The following UBN2 variants were observed in gnomAD, a reference collection of about 807,000 sequenced individuals.
The protein encoded by UBN2 is ubinuclein-2.
A neutral mutation model predicts 120.2 loss-of-function variants in UBN2; 35 were observed. The observed-to-expected ratio is 0.29, with a 90% CI of 0.22 to 0.39. The LOEUF (loss-of-function observed/expected upper bound fraction) is 0.39, where lower values mean the gene tolerates loss of function less well. Ranked by LOEUF, UBN2 falls within the 10% of genes least tolerant of loss-of-function variation. The pLI, the probability that UBN2 is intolerant of heterozygous loss-of-function variation, is 1.00. For synonymous variants in UBN2, 661 were observed against 648.7 expected, an observed-to-expected ratio of 1.02 and a Z score of -0.29; for missense variants, 1,693 against 1,663.2, an observed-to-expected ratio of 1.02 and a Z score of -0.31.
At chr7:139,293,698 G>C in intron 16 of UBN2, 191 bp from the exon 17 acceptor site, 2 of 642,536 alleles carry the variant, frequency 3.1e-6, no homozygotes, top group Middle Eastern at 3.7e-4. Context: ...TTTTTAAGAG[G>C]AAGTCAGTTG....
intron 15 of UBN2, among the ~76,000 whole-genome samples, chr7:139,285,050 A>G (rs1399027048): frequency 1.3e-5 from 2 of 151,982 alleles, no homozygotes; most frequent in Non-Finnish European, 2.9e-5. Context: ...TTTTTAAATC[A>G]TTTATCTTCT....
intron 3 of UBN2, among the ~76,000 whole-genome samples, chr7:139,254,149 C>T (rs1796695281): frequency 2.0e-5 from 3 of 152,096 alleles, no homozygotes; most frequent in East Asian, 1.9e-4. Flanking sequence ...AAAAATTAGC[C>T]GGGCGTGGTG....
At chr7:139,321,424 G>T in the UBN2 span, among the ~76,000 whole-genome samples, 5 of 152,220 alleles carry the variant, frequency 3.3e-5, no homozygotes, top group Non-Finnish European at 5.9e-5. Flanking sequence ...TGAGGGACAC[G>T]TGGACTGGGA....
chr7:139,306,868 G>A lies in UBN2; in HGVS notation c.*9032G>A, dbSNP rs1798367240. The A allele has an allele frequency of 6.6e-6, 1 of 152,164 alleles. No homozygotes were observed. Among genetic ancestry groups the A allele is most frequent in the Non-Finnish European group, 1.5e-5 (1 of 68,030 alleles). The allele number at this position is 152,164 out of a possible 1,614,324, so 9.4% of individuals were successfully genotyped here. A position where few individuals can be genotyped will look rare whatever the true frequency, so the allele number is the denominator to read the frequency against. On this transcript the variant is annotated 3_prime_UTR_variant, in exon 18 of 18. Coordinates refer to ENST00000473989, the MANE Select transcript of UBN2 (RefSeq NM_173569.4). ...AGTCTACCAAGGTAACTAAGTAATGGATGTTTTCTCTCTTTTATTACAAGC... is the reference window on the plus strand; with the variant it reads ...AGTCTACCAAGGTAACTAAGTAATGAATGTTTTCTCTCTTTTATTACAAGC...
chr7:139,259,505 T>TA (rs1326070317), intron 5 of UBN2, 135 bp downstream of exon 5: 42 of 1,191,472 alleles, frequency 3.5e-5, no homozygotes, highest in Non-Finnish European at 5.7e-6. Flanking sequence ...ATTAGTGACT[T>TA]ATGTTTAATA....
the UBN2 span, among the ~76,000 whole-genome samples, chr7:139,319,122 C>T: frequency 1.1e-4 from 17 of 152,180 alleles, no homozygotes; most frequent in African/African-American, 4.1e-4. Context: ...TGCTCTGTTG[C>T]CCAGGCTGCA....
At chr7:139,317,874 G>C in the UBN2 span, among the ~76,000 whole-genome samples, 6 of 152,252 alleles carry the variant, frequency 3.9e-5, no homozygotes, top group East Asian at 9.7e-4. Flanking sequence ...TGTTGGCCAG[G>C]CTAGTCTCAA....
rs1435263745 is a variant in UBN2 at position 139,306,812 on chromosome 7, A to G, written c.*8976A>G. 1 of 152,198 alleles carries G rather than the reference A, an allele frequency of 6.6e-6. No homozygotes were observed. Among genetic ancestry groups the G allele is most frequent in the Non-Finnish European group, 1.5e-5 (1 of 68,030 alleles). The allele number at this position is 152,198 out of a possible 1,614,324, so 9.4% of individuals were successfully genotyped here. A position where few individuals can be genotyped will look rare whatever the true frequency, so the allele number is the denominator to read the frequency against. On this transcript the variant is annotated 3_prime_UTR_variant, in exon 18 of 18. Coordinates refer to ENST00000473989, the MANE Select transcript of UBN2 (RefSeq NM_173569.4). ...AGAAAATAGATCTCCAGCTGGTGAA[A>G]ATTTTGTGCCCCAAATAATATATTA...
chr7:139,235,650 AC>A (rs1796145722), intron 1 of UBN2, among the ~76,000 whole-genome samples: 1 of 151,988 alleles, frequency 6.6e-6, no homozygotes, highest in Non-Finnish European at 1.5e-5. Context: ...CAGGTGATCC[AC>A]CCACCTTGGC....
In UBN2 at chr7:139,276,263, A is replaced by G. The variant is rs550951250; in HGVS notation, c.2024+116A>G. 6.1e-5 allele frequency: 61 copies of G among 1,005,170 alleles called. No homozygotes were observed. The African/African-American group carries it at 8.2e-4, about 13-fold the overall frequency. 62.3% of individuals were successfully genotyped at this position (1,005,170 alleles called of 1,614,324 possible). A position where few individuals can be genotyped will look rare whatever the true frequency, so the allele number is the denominator to read the frequency against. ...AGGACTTAAAAAGATCATTTTGACC[A>G]TTGACTATTTAGACTTCAGAACACA... On this transcript the variant is annotated intron_variant, in intron 12 of 17. Coordinates refer to ENST00000473989, the MANE Select transcript of UBN2 (RefSeq NM_173569.4).
chr7:139,319,880 T>G, the UBN2 span, among the ~76,000 whole-genome samples: 7 of 152,058 alleles, frequency 4.6e-5, no homozygotes, highest in Admixed American at 2.0e-4. Context: ...ATGGCGACCA[T>G]CCTGGCTAAC....
intron 6 of UBN2, among the ~76,000 whole-genome samples, chr7:139,262,091 T>A (rs1034129447): frequency 1.3e-5 from 2 of 151,150 alleles, no homozygotes; most frequent in African/African-American, 2.4e-5. Flanking sequence ...TGTTTTATTT[T>A]ATTTATTTAT....
At chr7:139,297,074 A>G (rs1490961747) in intron 17 of UBN2, among the ~76,000 whole-genome samples, 1 of 151,902 alleles carries the variant, frequency 6.6e-6, no homozygotes, top group African/African-American at 2.4e-5. Flanking sequence ...TGCGCCTGTA[A>G]TCCCAGCTAC....
rs1306105295 is a variant in UBN2, at chr7:139,306,766, AAC to A, written c.*8933_*8934del. On this transcript the variant is annotated 3_prime_UTR_variant, in exon 18 of 18. Transcript: ENST00000473989. ...GCTTGCCCTTGGATTTCACTTGTTA[AAC>A]ACCCTCAAACTTAAAAGAAGAAAAT... 6.6e-6 allele frequency: 1 copy of A among 152,190 alleles called. No individual in the cohort carries two copies. The highest frequency in any genetic ancestry group is 1.5e-5 in the Non-Finnish European group (1 of 68,028). The allele number at this position is 152,190 out of a possible 1,614,324, so 9.4% of individuals were successfully genotyped here. A position where few individuals can be genotyped will look rare whatever the true frequency, so the allele number is the denominator to read the frequency against.
intron 6 of UBN2, among the ~76,000 whole-genome samples, chr7:139,264,376 G>A (rs775722287): frequency 7.2e-5 from 11 of 152,090 alleles, no homozygotes; most frequent in Non-Finnish European, 8.8e-5. Flanking sequence ...ATTCTGGTCA[G>A]CGATCCTCAT....
intron 7 of UBN2, among the ~76,000 whole-genome samples, chr7:139,267,556 A>G (rs1414295847): frequency 2.0e-5 from 3 of 151,804 alleles, no homozygotes; most frequent in East Asian, 3.9e-4. Flanking sequence ...AAAAGAGAGA[A>G]AGAGAGAAGG....
intron 11 of UBN2, 60 bp downstream of exon 11, chr7:139,274,134 T>G: frequency 6.8e-7 from 1 of 1,479,170 alleles, no homozygotes; most frequent in Non-Finnish European, 9.0e-7. Flanking sequence ...TTATTAAAGA[T>G]ATACATACAC....
In UBN2 at chr7:139,269,394, C is replaced by T. The variant is rs1797194972; in HGVS notation, c.1467C>T (p.Asp489=). 1.2e-6 allele frequency: 2 copies of T among 1,612,674 alleles called. No individual in the cohort carries two copies. ...FTQDMNNILL[D]IELQLQELGP... ...CATTGTTGTTAACTTTTTTGGCCAGCATTGAGTTACAGCTACAAGAACTAG... is the reference window on the plus strand; with the variant it reads ...CATTGTTGTTAACTTTTTTGGCCAGTATTGAGTTACAGCTACAAGAACTAG... The change falls in exon 8 of 18, where the codon GAC becomes GAT. Residue 489 remains aspartate (D), a splice_region_variant and synonymous_variant. Coordinates refer to ENST00000473989, the MANE Select transcript of UBN2 (RefSeq NM_173569.4).
intron 1 of UBN2, among the ~76,000 whole-genome samples, chr7:139,236,533 T>C (rs1796166276): frequency 6.6e-6 from 1 of 152,246 alleles, no homozygotes; most frequent in South Asian, 2.1e-4. Context: ...TTAGTGAAGA[T>C]ATCAATCTAG....
Sources: gnomAD v4.1 joint callset for allele counts (sites outside exome capture counted in the v4.1 genomes callset) on GRCh38, gnomAD v4.1.1 for gene constraint, MANE v1.5 for transcripts, NCBI Gene and HGNC (gene_info 2026-07-23, HGNC 2026-07-21) for gene names.